Variants in CSMD1 observed in about 807,000 individuals in gnomAD.
CSMD1 encodes the protein CUB and Sushi multiple domains 1, also known as CUB and sushi domain-containing protein 1.
Under a neutral mutation model 417.5 loss-of-function variants are expected in CSMD1, and 213 were observed. The observed-to-expected ratio is 0.51, with a 90% CI of 0.46 to 0.57. The LOEUF is 0.57. Ranked by LOEUF, CSMD1 falls within the 20% of genes least tolerant of loss-of-function variation. CSMD1 has a pLI of 0.00. For synonymous variants in CSMD1, 2,862 were observed against 1,736.8 expected (o/e 1.65, Z -16.11); for missense variants, 6,923 against 4,529.7 (o/e 1.53, Z -15.17).
chr8:3,467,946 C>T (rs538814413), intron 12 of CSMD1, among the ~76,000 whole-genome samples: 1 of 152,346 alleles, frequency 6.6e-6, no homozygotes, highest in East Asian at 1.9e-4. Flanking sequence ...ACAGTTCCAA[C>T]AGCTCCAGAT....
intron 3 of CSMD1, among the ~76,000 whole-genome samples, chr8:4,412,148 C>T (rs1321792120): frequency 6.6e-6 from 1 of 152,188 alleles, no homozygotes; most frequent in South Asian, 2.1e-4. Context: ...CTAAATATCT[C>T]AATGTGCCTC....
chr8:4,540,142 G>A (rs1359408090), intron 2 of CSMD1, among the ~76,000 whole-genome samples: 2 of 152,170 alleles, frequency 1.3e-5, no homozygotes, highest in Non-Finnish European at 1.5e-5. Flanking sequence ...AGTGGTTGGC[G>A]TGCAATGTAA....
chr8:4,240,188 C>T (rs1802306359), intron 3 of CSMD1, among the ~76,000 whole-genome samples: 1 of 152,226 alleles, frequency 6.6e-6, no homozygotes, highest in Non-Finnish European at 1.5e-5. Flanking sequence ...CACTGAGGTT[C>T]CCATAACTGT....
At chr8:3,453,825 G>C (rs1048890918) in intron 12 of CSMD1, among the ~76,000 whole-genome samples, 2 of 152,158 alleles carry the variant, frequency 1.3e-5, no homozygotes, top group Admixed American at 6.6e-5. Flanking sequence ...ATGTCTATTA[G>C]ATCTGCTTGG....
At chr8:4,444,553 G>T (rs1041883040) in intron 2 of CSMD1, among the ~76,000 whole-genome samples, 8 of 151,750 alleles carry the variant, frequency 5.3e-5, no homozygotes, top group African/African-American at 1.7e-4. Context: ...ATCTTTTAGG[G>T]GTTTTCTAAG....
intron 3 of CSMD1, among the ~76,000 whole-genome samples, chr8:4,138,260 G>C (rs1001380172): frequency 8.8e-5 from 12 of 136,566 alleles, no homozygotes; most frequent in Non-Finnish European, 3.1e-5. Context: ...CTTTTCTCCT[G>C]GCTATGCCAT....
At chr8:4,207,338 C>G (rs1392005046) in intron 3 of CSMD1, among the ~76,000 whole-genome samples, 1 of 152,116 alleles carries the variant, frequency 6.6e-6, no homozygotes, top group Non-Finnish European at 1.5e-5. Flanking sequence ...TCGTAATTAT[C>G]TGACTAGCAA....
intron 3 of CSMD1, among the ~76,000 whole-genome samples, chr8:4,418,785 C>T (rs1797088566): frequency 2.2e-5 from 1 of 45,106 alleles, no homozygotes; most frequent in African/African-American, 1.2e-4. Flanking sequence ...CAAAGATTAA[C>T]TTATTCCTTG....
At chr8:3,148,706 C>A (rs926399471) in intron 40 of CSMD1, among the ~76,000 whole-genome samples, 22 of 152,316 alleles carry the variant, frequency 1.4e-4, no homozygotes, top group African/African-American at 5.1e-4. Flanking sequence ...CTGCAAATTG[C>A]TCGAAAATGA....
In CSMD1 at chr8:3,385,823, TAAG is replaced by T. The variant is rs549626688; in HGVS notation, c.2782+1668_2782+1670del. On this transcript the variant is annotated intron_variant, in intron 18 of 69. Transcript: ENST00000635120. ...TTTTCACCTCTTTCATCTGCTTGGA[TAAG>T]AAGAAGTTGGCCAGAGAATTCCTCT... Among the ~76,000 whole-genome samples, 933 of 152,100 alleles carry T rather than the reference TAAG, an allele frequency of 6.1e-3. 3 individuals are homozygous for T. Among genetic ancestry groups the T allele is most frequent in the Non-Finnish European group, 9.9e-3 (670 of 68,002 alleles).
chr8:4,175,089 C>T (rs1797969966), intron 3 of CSMD1, among the ~76,000 whole-genome samples: 1 of 151,830 alleles, frequency 6.6e-6, no homozygotes, highest in Non-Finnish European at 1.5e-5. Flanking sequence ...TTTGCACTTT[C>T]ATAGACAAAT....
chr8:4,500,024 G>T (rs1359860798), intron 2 of CSMD1, among the ~76,000 whole-genome samples: 1 of 152,028 alleles, frequency 6.6e-6, no homozygotes, highest in Non-Finnish European at 1.5e-5. Flanking sequence ...AGCGGGAGAA[G>T]TTGTAGGAGG....
intron 3 of CSMD1, among the ~76,000 whole-genome samples, chr8:4,071,050 T>A (rs949141223): frequency 1.3e-5 from 2 of 152,210 alleles, no homozygotes; most frequent in Non-Finnish European, 2.9e-5. Flanking sequence ...TGAAGCAGTT[T>A]GGCTGTGGTG....
At chr8:3,715,295 C>T (rs959523327) in intron 6 of CSMD1, among the ~76,000 whole-genome samples, 2 of 152,136 alleles carry the variant, frequency 1.3e-5, no homozygotes, top group African/African-American at 4.8e-5. Context: ...TGTGCTGATA[C>T]ACTGTAAACA....
At chr8:3,551,827 C>G (rs117073219) in intron 10 of CSMD1, among the ~76,000 whole-genome samples, 1,931 of 152,128 alleles carry the variant, frequency 0.013, 17 homozygotes, top group East Asian at 0.061. Context: ...CTGCATCAGT[C>G]TAGACGTGGC....
chr8:3,182,749 CTG>C lies in CSMD1; in HGVS notation c.5621-1537_5621-1536del, dbSNP rs138421791. 4.4e-4 allele frequency among the ~76,000 whole-genome samples: 46 copies of C among 105,660 alleles called. 1 individual carries two copies. Among genetic ancestry groups the C allele is most frequent in the Middle Eastern group, 5.7e-3 (1 of 176 alleles). The allele number at this position is 105,660 out of a possible 152,430, so 69.3% of individuals were successfully genotyped here. A position where few individuals can be genotyped will look rare whatever the true frequency, so the allele number is the denominator to read the frequency against. ...TCTGGCTGTCTCTTTATAAGAAGCT[CTG>C]TGTGTGTGTGTGTGTGTATTGTTAG... On this transcript the variant is annotated intron_variant, in intron 36 of 69. Coordinates refer to ENST00000635120, the MANE Select transcript of CSMD1 (RefSeq NM_033225.6).
At chr8:2,986,448 C>G (rs1805917614) in intron 54 of CSMD1, among the ~76,000 whole-genome samples, 1 of 152,128 alleles carries the variant, frequency 6.6e-6, no homozygotes, top group South Asian at 2.1e-4. Context: ...GTTTTCTCTA[C>G]TCAGCAACAC....
chr8:4,969,095 G>C (rs377589401), intron 1 of CSMD1, among the ~76,000 whole-genome samples: 2 of 152,106 alleles, frequency 1.3e-5, no homozygotes, highest in Admixed American at 6.6e-5. Context: ...CACTGACCTG[G>C]TGGTTGCTTT....
chr8:4,829,523 C>T (rs1490990962), intron 1 of CSMD1, among the ~76,000 whole-genome samples: 2 of 152,102 alleles, frequency 1.3e-5, no homozygotes, highest in Non-Finnish European at 2.9e-5. Context: ...AGGAGGATCT[C>T]TTGAGCCCAG....
Sources: gnomAD v4.1 joint callset for allele counts (sites outside exome capture counted in the v4.1 genomes callset) on GRCh38, gnomAD v4.1.1 for gene constraint, MANE v1.5 for transcripts, NCBI Gene and HGNC (gene_info 2026-07-23, HGNC 2026-07-21) for gene names.